Variants in SLC4A7 observed in about 807,000 individuals in gnomAD.
SLC4A7 encodes the protein solute carrier family 4 member 7.
A neutral mutation model predicts 137.6 loss-of-function variants in SLC4A7; 51 were observed. The ratio of observed to expected loss-of-function variants is 0.37; its 90% CI spans 0.30 to 0.47. The LOEUF (loss-of-function observed/expected upper bound fraction) is 0.47. SLC4A7 is among the 20% of genes least tolerant of loss of function. The probability of loss-of-function intolerance (pLI) is 1.00; values close to 1 mark genes in which losing one functional copy is unlikely to be tolerated. For missense variants in SLC4A7, 1,247 were observed against 1,525.4 expected (o/e 0.82, Z 3.04); for synonymous variants, 542 against 518.6 (o/e 1.05, Z -0.61).
chr3:27,393,932 T>C (rs887566014), intron 20 of SLC4A7, among the ~76,000 whole-genome samples: 3 of 152,174 alleles, frequency 2.0e-5, no homozygotes, highest in Non-Finnish European at 4.4e-5. Context: ...AAGACTCCTT[T>C]ATACTCTTAA....
At chr3:27,381,512 T>C (rs2050412802) in intron 24 of SLC4A7, among the ~76,000 whole-genome samples, 1 of 151,826 alleles carries the variant, frequency 6.6e-6, no homozygotes, top group Admixed American at 6.5e-5. Context: ...ATTTAAAGTA[T>C]ATAAAAATTT....
At position 27,430,902 on chromosome 3, in the gene SLC4A7, G is replaced by GT. The variant is rs2056206431; in HGVS notation, c.1150+395dup. On this transcript the variant is annotated intron_variant, in intron 7 of 25. Coordinates refer to ENST00000454389, the MANE Select transcript of SLC4A7 (RefSeq NM_001321103.2). ...TTAAAACATTATAAAAAATGACTAT[G>GT]TTTTACTGAAGTGTTCAAATGTCTT... 2.6e-5 allele frequency among the ~76,000 whole-genome samples: 4 copies of GT among 152,164 alleles called. 1 individual carries two copies. The highest frequency in any genetic ancestry group is 2.6e-4 in the Admixed American group (4 of 15,268).
chr3:27,475,945 A>G (rs2059443903), intron 1 of SLC4A7, among the ~76,000 whole-genome samples: 1 of 152,200 alleles, frequency 6.6e-6, no homozygotes. Flanking sequence ...CAAAATCACA[A>G]AATTAAAAGC....
chr3:27,392,468 A>C (rs2051664667), intron 20 of SLC4A7, among the ~76,000 whole-genome samples: 1 of 152,178 alleles, frequency 6.6e-6, no homozygotes, highest in Non-Finnish European at 1.5e-5. Context: ...CACATCTACT[A>C]CATCTCTTCT....
intron 3 of SLC4A7, among the ~76,000 whole-genome samples, chr3:27,441,639 T>C (rs912092735): frequency 7.9e-5 from 12 of 151,986 alleles, no homozygotes; most frequent in South Asian, 2.1e-4. Context: ...GAGATGCACA[T>C]TGCCATACCC....
intron 1 of SLC4A7, among the ~76,000 whole-genome samples, chr3:27,457,256 T>A (rs887330631): frequency 6.6e-6 from 1 of 152,114 alleles, no homozygotes; most frequent in African/African-American, 2.4e-5. Flanking sequence ...TACACAATAA[T>A]AAAGCCATTA....
intron 16 of SLC4A7, 152 bp from the exon 17 acceptor site, chr3:27,398,505 A>G (rs1363104545): frequency 1.0e-5 from 6 of 578,032 alleles, no homozygotes; most frequent in Middle Eastern, 3.9e-4. Flanking sequence ...CCAGCCAACT[A>G]TAACACACTA....
intron 16 of SLC4A7, among the ~76,000 whole-genome samples, chr3:27,399,231 C>T (rs754809740): frequency 5.3e-5 from 8 of 152,024 alleles, no homozygotes; most frequent in Non-Finnish European, 7.4e-5. Context: ...TATACCATTA[C>T]CAGAAAAACA....
At chr3:27,399,716 T>C (rs915057579) in intron 16 of SLC4A7, among the ~76,000 whole-genome samples, 7 of 152,214 alleles carry the variant, frequency 4.6e-5, no homozygotes, top group African/African-American at 1.7e-4. Flanking sequence ...TGAACCACCA[T>C]GCTTGGCAAT....
intron 5 of SLC4A7, among the ~76,000 whole-genome samples, chr3:27,435,061 A>C (rs1023985054): frequency 1.3e-5 from 2 of 152,204 alleles, no homozygotes; most frequent in Non-Finnish European, 2.9e-5. Context: ...AGTAAGGACA[A>C]TTCAAATATT....
chr3:27,407,624 C>T (rs1236099088), intron 13 of SLC4A7, among the ~76,000 whole-genome samples: 1 of 152,090 alleles, frequency 6.6e-6, no homozygotes, highest in Non-Finnish European at 1.5e-5. Context: ...CTGTACTACC[C>T]TTTCAAATCA....
At chr3:27,431,118 C>T (rs1455930475) in intron 7 of SLC4A7, among the ~76,000 whole-genome samples, 180 bp downstream of exon 7, 3 of 151,898 alleles carry the variant, frequency 2.0e-5, no homozygotes, top group Non-Finnish European at 4.4e-5. Context: ...CGGCGAAAAC[C>T]GCAATTACTT....
At chr3:27,388,983 T>C (rs2051258385) in intron 22 of SLC4A7, among the ~76,000 whole-genome samples, 2 of 152,142 alleles carry the variant, frequency 1.3e-5, no homozygotes, top group Admixed American at 6.5e-5. Context: ...TCAAGTCCCT[T>C]GAATCATCTC....
chr3:27,462,292 G>GT (rs1354181649), intron 1 of SLC4A7, among the ~76,000 whole-genome samples: 2 of 152,144 alleles, frequency 1.3e-5, no homozygotes, highest in Non-Finnish European at 2.9e-5. Context: ...TGACTTCTGT[G>GT]TATCTACTCA....
chr3:27,387,061 T>C (rs966498132), intron 22 of SLC4A7, among the ~76,000 whole-genome samples: 2 of 152,208 alleles, frequency 1.3e-5, no homozygotes, highest in Non-Finnish European at 2.9e-5. Flanking sequence ...TTTTTCTGAT[T>C]TGTCTATTCA....
chr3:27,464,119 A>T (rs1363980954), intron 1 of SLC4A7, among the ~76,000 whole-genome samples: 1 of 152,156 alleles, frequency 6.6e-6, no homozygotes, highest in Admixed American at 6.5e-5. Flanking sequence ...GAAGCTAGTG[A>T]GCCGAGATTG....
intron 1 of SLC4A7, 114 bp downstream of exon 1, chr3:27,483,953 G>T: frequency 1.3e-6 from 1 of 780,692 alleles, no homozygotes; most frequent in South Asian, 5.7e-5. Context: ...GTGGAGGGGC[G>T]ACGGGCCTGG....
intron 5 of SLC4A7, among the ~76,000 whole-genome samples, chr3:27,434,945 A>G (rs2056618259): frequency 6.6e-6 from 1 of 152,210 alleles, no homozygotes; most frequent in Non-Finnish European, 1.5e-5. Context: ...TAAAAGTACT[A>G]CATGGTATTA....
intron 10 of SLC4A7, 143 bp from the exon 11 acceptor site, chr3:27,418,775 T>G: frequency 1.7e-6 from 1 of 578,106 alleles, no homozygotes. Context: ...CAGCCCAGCC[T>G]GGGTAACAAC....
Sources: gnomAD v4.1 joint callset for allele counts (sites outside exome capture counted in the v4.1 genomes callset) on GRCh38, gnomAD v4.1.1 for gene constraint, MANE v1.5 for transcripts, NCBI Gene and HGNC (gene_info 2026-07-23, HGNC 2026-07-21) for gene names.